GFPT1: variants seen among roughly 807,000 people sequenced by gnomAD.
The protein encoded by GFPT1 is glutamine--fructose-6-phosphate transaminase 1, also known as glutamine--fructose-6-phosphate aminotransferase [isomerizing] 1.
GFPT1 carries 40 observed loss-of-function variants against 92.0 expected under a neutral mutation model. The observed-to-expected ratio is 0.43, with a 90% CI of 0.34 to 0.57. The LOEUF (loss-of-function observed/expected upper bound fraction) is 0.57. Ranked by LOEUF, GFPT1 falls within the 20% of genes least tolerant of loss-of-function variation. GFPT1 has a pLI of 0.02. For missense variants in GFPT1, 448 were observed against 869.1 expected, an observed-to-expected ratio of 0.52 and a Z score of 6.09; for synonymous variants, 269 against 280.6, an observed-to-expected ratio of 0.96 and a Z score of 0.41.
intron 3 of GFPT1, among the ~76,000 whole-genome samples, chr2:69,369,155 C>G (rs1671683786): frequency 6.6e-6 from 1 of 152,104 alleles, no homozygotes; most frequent in African/African-American, 2.4e-5. Context: ...TGCTTTACCC[C>G]TAGCTAATCT....
chr2:69,376,069 A>G (rs544747345), intron 1 of GFPT1, among the ~76,000 whole-genome samples: 4 of 152,254 alleles, frequency 2.6e-5, no homozygotes, highest in Non-Finnish European at 4.4e-5. Context: ...GAATAACCCA[A>G]TTGTAAATCA....
rs527622842 is a variant in GFPT1 at position 69,379,960 on chromosome 2, C to T, written c.8-5847G>A. Among the ~76,000 whole-genome samples, 3 of 152,040 alleles carry T rather than the reference C, an allele frequency of 2.0e-5. No homozygotes were observed. In the East Asian group the frequency reaches 5.9e-4, roughly 30 times the overall value. On this transcript the variant is annotated intron_variant, in intron 1 of 19. Coordinates refer to ENST00000357308, the MANE Select transcript of GFPT1 (RefSeq NM_001244710.2). ...TCTCGAACTCCTGGACTCAAGCGAT[C>T]CTCTTGTTTCGGCCTCCCAAAGTGC...
At position 69,321,977 on chromosome 2, in the gene GFPT1, C is replaced by G. The variant is rs946804480; in HGVS notation, c.*4212G>C. The G allele has an allele frequency of 1.3e-5, 2 of 152,098 alleles. No homozygotes were observed. The highest frequency in any genetic ancestry group is 1.3e-4 in the Admixed American group (2 of 15,262). The allele number at this position is 152,098 out of a possible 1,614,324, so 9.4% of individuals were successfully genotyped here. ...ATTATTGGTTTGAAGCTAATATTAT[C>G]AGTCCTATTGGCTGTCACTGTCACA... On this transcript the variant is annotated 3_prime_UTR_variant, in exon 20 of 20. Transcript: ENST00000357308.
At chr2:69,368,379 C>T (rs1288203828) in intron 3 of GFPT1, among the ~76,000 whole-genome samples, 1 of 151,994 alleles carries the variant, frequency 6.6e-6, no homozygotes, top group African/African-American at 2.4e-5. Context: ...AAGAGTCCAT[C>T]TTAAAAAAAA....
intron 3 of GFPT1, among the ~76,000 whole-genome samples, chr2:69,364,350 G>A (rs1243231225): frequency 6.6e-6 from 1 of 152,198 alleles, no homozygotes; most frequent in African/African-American, 2.4e-5. Flanking sequence ...AAAGTTAGGT[G>A]AAGTATATAT....
chr2:69,353,366 C>A (rs546006289), intron 9 of GFPT1, among the ~76,000 whole-genome samples: 3 of 152,196 alleles, frequency 2.0e-5, no homozygotes, highest in South Asian at 4.1e-4. Flanking sequence ...GCAAGACTTC[C>A]TTTTTACAAA....
At chr2:69,358,293 G>A (rs781737668) in intron 6 of GFPT1, 36 bp downstream of exon 6, 6 of 1,565,966 alleles carry the variant, frequency 3.8e-6, no homozygotes, top group South Asian at 3.3e-5. Context: ...CAGCATTAAT[G>A]TTGGCATAAT....
At chr2:69,384,899 C>T (rs1672097544) in intron 1 of GFPT1, among the ~76,000 whole-genome samples, 1 of 152,068 alleles carries the variant, frequency 6.6e-6, no homozygotes, top group Non-Finnish European at 1.5e-5. Flanking sequence ...CACTCCATTT[C>T]TCTGCTCAGG....
intron 13 of GFPT1, among the ~76,000 whole-genome samples, chr2:69,339,851 TA>T (rs1221262082): frequency 6.6e-6 from 1 of 152,182 alleles, no homozygotes; most frequent in Non-Finnish European, 1.5e-5. Flanking sequence ...AAAATGCTCC[TA>T]TTTTTTATTA....
At chr2:69,374,144 T>A in intron 1 of GFPT1, 31 bp from the exon 2 acceptor site, 1 of 1,099,034 alleles carries the variant, frequency 9.1e-7, no homozygotes, top group South Asian at 1.3e-5. Flanking sequence ...AATGAAAAAT[T>A]CTGATTTAAA....
chr2:69,328,464 T>C (rs960302748), intron 17 of GFPT1, 26 bp from the exon 18 acceptor site: 1 of 1,556,684 alleles, frequency 6.4e-7, no homozygotes, highest in Non-Finnish European at 8.9e-7. Flanking sequence ...CAGATTTGTC[T>C]TCAATCCACT....
intron 13 of GFPT1, among the ~76,000 whole-genome samples, chr2:69,341,887 C>T (rs1296249076): frequency 4.6e-5 from 7 of 152,164 alleles, no homozygotes; most frequent in Non-Finnish European, 5.9e-5. Context: ...TAGGACAGTA[C>T]ACAAACTCTC....
chr2:69,369,097 T>C (rs911287097), intron 3 of GFPT1, among the ~76,000 whole-genome samples: 4 of 152,214 alleles, frequency 2.6e-5, no homozygotes, highest in Non-Finnish European at 5.9e-5. Context: ...GCAGAACACA[T>C]AGTAGATATT....
intron 9 of GFPT1, 72 bp downstream of exon 9, chr2:69,354,187 A>G: frequency 9.3e-7 from 1 of 1,070,614 alleles, no homozygotes; most frequent in Non-Finnish European, 1.4e-6. Flanking sequence ...TCACTCCAAG[A>G]ACAAAAGAAT....
chr2:69,354,950 G>C (rs1438788200), intron 7 of GFPT1, among the ~76,000 whole-genome samples: 1 of 152,158 alleles, frequency 6.6e-6, no homozygotes, highest in Non-Finnish European at 1.5e-5. Flanking sequence ...GTTGGAGTGA[G>C]CCAAGATCGC....
At chr2:69,347,937 T>C (rs1671122734) in intron 11 of GFPT1, among the ~76,000 whole-genome samples, 1 of 148,814 alleles carries the variant, frequency 6.7e-6, no homozygotes, top group Non-Finnish European at 1.5e-5. Context: ...TATCAAGTGT[T>C]AATAACCTTT....
intron 4 of GFPT1, among the ~76,000 whole-genome samples, chr2:69,362,472 A>C (rs1353380524): frequency 6.6e-6 from 1 of 152,154 alleles, no homozygotes; most frequent in Non-Finnish European, 1.5e-5. Context: ...AATTATAAAT[A>C]ACATTTATTT....
At chr2:69,377,912 G>A (rs1671917600) in intron 1 of GFPT1, among the ~76,000 whole-genome samples, 3 of 152,336 alleles carry the variant, frequency 2.0e-5, no homozygotes, top group Middle Eastern at 3.4e-3. Flanking sequence ...TCACAAGGGA[G>A]GCATTCACAA....
At chr2:69,358,912 C>G (rs1234723765) in intron 5 of GFPT1, among the ~76,000 whole-genome samples, 1 of 152,164 alleles carries the variant, frequency 6.6e-6, no homozygotes, top group Non-Finnish European at 1.5e-5. Context: ...CTATTTACGA[C>G]ATAAAACTTT....
Sources: allele counts gnomAD v4.1 joint callset (sites outside exome capture counted in the v4.1 genomes callset), GRCh38; gene constraint gnomAD v4.1.1; transcripts MANE v1.5; gene names NCBI Gene and HGNC (gene_info 2026-07-23, HGNC 2026-07-21).